LYPD6: variants seen among roughly 807,000 people sequenced by gnomAD.
LYPD6 encodes LY6/PLAUR domain containing 6.
Under a neutral mutation model 22.7 loss-of-function variants are expected in LYPD6, and 15 were observed. The observed-to-expected ratio is 0.66, with a 90% CI of 0.44 to 1.02. The LOEUF is 1.02. LYPD6 is among the 50% of genes least tolerant of loss of function. The pLI is 0.00. For missense variants in LYPD6, 189 were observed against 208.4 expected (o/e 0.91, Z 0.57); for synonymous variants, 72 against 77.5 (o/e 0.93, Z 0.37).
chr2:149,337,005 A>G (rs1045755186), intron 1 of LYPD6, among the ~76,000 whole-genome samples: 1 of 151,624 alleles, frequency 6.6e-6, no homozygotes, highest in African/African-American at 2.4e-5. Flanking sequence ...TTAAAATAGA[A>G]CTAGGAAATG....
chr2:149,441,053 A>G (rs917592874), intron 2 of LYPD6, among the ~76,000 whole-genome samples: 1 of 151,982 alleles, frequency 6.6e-6, no homozygotes, highest in Non-Finnish European at 1.5e-5. Context: ...TCTTTGAACT[A>G]TTTTAGAAGT....
At chr2:149,404,696 T>C (rs1313195633) in intron 1 of LYPD6, among the ~76,000 whole-genome samples, 1 of 152,158 alleles carries the variant, frequency 6.6e-6, no homozygotes, top group African/African-American at 2.4e-5. Flanking sequence ...CAATTTGACT[T>C]CCTCTTTTCG....
intron 3 of LYPD6, among the ~76,000 whole-genome samples, chr2:149,451,680 G>T (rs182777924): frequency 1.1e-3 from 165 of 152,188 alleles, no homozygotes; most frequent in African/African-American, 3.5e-3. Flanking sequence ...ATACCTAAAG[G>T]TATTGCAGAG....
Position 149,464,275 on chromosome 2 carries a change from G to T in LYPD6, c.218-4370G>T, listed in dbSNP as rs145290502. On this transcript the variant is annotated intron_variant, in intron 3 of 4. Transcript: ENST00000334166. ...ATTGACCTGGTTGGGAGGAAGATCA[G>T]GAAGATTTCACAGAATTTATCACAT... The T allele has an allele frequency of 1.7e-3, 515 of 311,536 alleles. 2 individuals are homozygous for T. Among genetic ancestry groups the T allele is most frequent in the African/African-American group, 0.011 (476 of 43,268 alleles). The allele number at this position is 311,536 out of a possible 1,614,324, so 19.3% of individuals were successfully genotyped here.
chr2:149,475,458 G>A (rs1681433719), downstream of LYPD6, among the ~76,000 whole-genome samples: 5 of 152,240 alleles, frequency 3.3e-5, no homozygotes, highest in South Asian at 1.0e-3. Context: ...AAACATTTCT[G>A]ACATAATTTG....
At chr2:149,402,749 CTTTAAG>C (rs2105110861) in intron 1 of LYPD6, among the ~76,000 whole-genome samples, 1 of 151,416 alleles carries the variant, frequency 6.6e-6, no homozygotes, top group African/African-American at 2.4e-5. Context: ...TATAATTATA[CTTTAAG>C]TTTTAGGGTA....
At chr2:149,480,424 T>C in the LYPD6 span, among the ~76,000 whole-genome samples, 3 of 152,112 alleles carry the variant, frequency 2.0e-5, no homozygotes, top group African/African-American at 4.8e-5. Flanking sequence ...GGTAACCCCC[T>C]TTATACCCTC....
At chr2:149,458,007 C>T (rs1020885300) in intron 3 of LYPD6, among the ~76,000 whole-genome samples, 1 of 152,132 alleles carries the variant, frequency 6.6e-6, no homozygotes, top group African/African-American at 2.4e-5. Flanking sequence ...AGCAGAAGGA[C>T]CAGGAAGGGG....
chr2:149,344,307 A>G lies in LYPD6; in HGVS notation c.-72+13585A>G, dbSNP rs144715794. 5.9e-5 allele frequency among the ~76,000 whole-genome samples: 9 copies of G among 152,356 alleles called. No individual in the cohort carries two copies. The East Asian group carries it at 1.7e-3, about 29-fold the overall frequency. On this transcript the variant is annotated intron_variant, in intron 1 of 4. Coordinates refer to ENST00000334166, the MANE Select transcript of LYPD6 (RefSeq NM_194317.5). ...GCATGTTGAGATAGTGCAAATCTGC[A>G]AGCTATGCACTTTTCCCTTTTATTT...
chr2:149,461,219 A>G (rs919630318), intron 3 of LYPD6, among the ~76,000 whole-genome samples: 5 of 152,024 alleles, frequency 3.3e-5, no homozygotes, highest in African/African-American at 9.6e-5. Context: ...ATTAAAATCA[A>G]TGGAGAAAAA....
chr2:149,342,349 A>G (rs1681179412), intron 1 of LYPD6, among the ~76,000 whole-genome samples: 1 of 152,208 alleles, frequency 6.6e-6, no homozygotes, highest in Non-Finnish European at 1.5e-5. Context: ...AAAATATACA[A>G]AAGTTTAAGG....
chr2:149,448,845 C>A (rs1193499910), intron 2 of LYPD6, among the ~76,000 whole-genome samples: 2 of 152,108 alleles, frequency 1.3e-5, no homozygotes, highest in Non-Finnish European at 2.9e-5. Context: ...CATTTGTGTA[C>A]AGATTTTTGC....
At chr2:149,459,918 T>A (rs973443295) in intron 3 of LYPD6, among the ~76,000 whole-genome samples, 1 of 147,310 alleles carries the variant, frequency 6.8e-6, no homozygotes, top group Non-Finnish European at 1.5e-5. Flanking sequence ...AAAAAAAAAA[T>A]TATTACAAAC....
At chr2:149,362,093 G>A (rs141899943) in intron 1 of LYPD6, among the ~76,000 whole-genome samples, 30 of 152,260 alleles carry the variant, frequency 2.0e-4, no homozygotes, top group African/African-American at 6.5e-4. Flanking sequence ...CTTGATTTTA[G>A]CCCAGTAAGA....
intron 1 of LYPD6, among the ~76,000 whole-genome samples, chr2:149,332,968 A>G (rs1046051260): frequency 2.0e-5 from 3 of 152,248 alleles, no homozygotes; most frequent in Non-Finnish European, 2.9e-5. Flanking sequence ...TTTCAGAAAG[A>G]CAAGTAACAG....
At chr2:149,437,597 C>T (rs1683461051) in intron 1 of LYPD6, 41 bp from the exon 2 acceptor site, 2 of 1,542,426 alleles carry the variant, frequency 1.3e-6, no homozygotes, top group Non-Finnish European at 1.7e-6. Flanking sequence ...CTGTGGCTTT[C>T]TCCAGTCGAT....
intron 1 of LYPD6, among the ~76,000 whole-genome samples, chr2:149,339,842 T>C (rs1573727454): frequency 6.6e-6 from 1 of 152,184 alleles, no homozygotes; most frequent in Non-Finnish European, 1.5e-5. Flanking sequence ...CGTGAGTAAT[T>C]ACCACATAAT....
chr2:149,362,870 A>T (rs532028225), intron 1 of LYPD6, among the ~76,000 whole-genome samples: 67 of 152,242 alleles, frequency 4.4e-4, no homozygotes, highest in African/African-American at 1.5e-3. Flanking sequence ...CAACACGTGC[A>T]ATTTGGGGGA....
At chr2:149,446,351 C>T (rs1165183389) in intron 2 of LYPD6, among the ~76,000 whole-genome samples, 2 of 152,130 alleles carry the variant, frequency 1.3e-5, no homozygotes, top group African/African-American at 4.8e-5. Context: ...TAGACTTGCT[C>T]AATGCAGGGT....
Sources: allele counts gnomAD v4.1 joint callset (sites outside exome capture counted in the v4.1 genomes callset), GRCh38; gene constraint gnomAD v4.1.1; transcripts MANE v1.5; gene names NCBI Gene and HGNC (gene_info 2026-07-23, HGNC 2026-07-21).